Variants in MAP2 observed in about 807,000 individuals in gnomAD.
MAP2 encodes the protein microtubule-associated protein 2.
A neutral mutation model predicts 137.6 loss-of-function variants in MAP2; 14 were observed. The observed-to-expected ratio is 0.10, with a 90% CI of 0.07 to 0.16. The LOEUF (loss-of-function observed/expected upper bound fraction) is 0.16, where lower values mean the gene tolerates loss of function less well. MAP2 is among the 10% of genes least tolerant of loss of function. The probability of loss-of-function intolerance (pLI) is 1.00; values close to 1 mark genes in which losing one functional copy is unlikely to be tolerated. For missense variants in MAP2, 2,088 were observed against 2,191.5 expected, an observed-to-expected ratio of 0.95 and a Z score of 0.94; for synonymous variants, 786 against 782.3, an observed-to-expected ratio of 1.00 and a Z score of -0.08.
intron 7 of MAP2, among the ~76,000 whole-genome samples, chr2:209,686,759 A>G (rs1470403047): frequency 6.6e-6 from 1 of 152,182 alleles, no homozygotes; most frequent in Non-Finnish European, 1.5e-5. Flanking sequence ...CAGAAATGAG[A>G]GTAGTTACTT....
intron 2 of MAP2, among the ~76,000 whole-genome samples, chr2:209,522,135 T>C (rs913600339): frequency 1.3e-5 from 2 of 151,992 alleles, no homozygotes; most frequent in African/African-American, 4.8e-5. Context: ...TTAGGATTGA[T>C]GGGCCTCCTT....
At chr2:209,664,146 G>C (rs2045090028) in intron 5 of MAP2, among the ~76,000 whole-genome samples, 1 of 152,240 alleles carries the variant, frequency 6.6e-6, no homozygotes, top group African/African-American at 2.4e-5. Flanking sequence ...GGTTGGAAAT[G>C]CTTTGGGGTA....
intron 5 of MAP2, among the ~76,000 whole-genome samples, chr2:209,665,847 T>G (rs1047730311): frequency 3.9e-5 from 6 of 152,158 alleles, no homozygotes; most frequent in Non-Finnish European, 8.8e-5. Context: ...CTTCCTGTGA[T>G]CCATAATTTT....
rs188222299 is a variant in MAP2 at position 209,623,432 on chromosome 2, G to T, written c.-106-1621G>T. Reference sequence around the variant, plus strand: ...CACACACTTATCCATATGCATATGTGCTTACTTAAAAATCATGAAGATGAA... The same window carrying T: ...CACACACTTATCCATATGCATATGTTCTTACTTAAAAATCATGAAGATGAA... On this transcript the variant is annotated intron_variant, in intron 3 of 15. Transcript: ENST00000682079. 1.4e-4 allele frequency among the ~76,000 whole-genome samples: 22 copies of T among 152,132 alleles called. No individual in the cohort carries two copies. In the East Asian group the frequency reaches 1.7e-3, roughly 12 times the overall value.
At chr2:209,435,937 ATAATATATACT>A (rs1449136761) in intron 1 of MAP2, among the ~76,000 whole-genome samples, 4 of 143,226 alleles carry the variant, frequency 2.8e-5, no homozygotes, top group South Asian at 4.2e-4. Flanking sequence ...TATTATATAT[ATAATATATACT>A]ATATATACAG....
intron 2 of MAP2, among the ~76,000 whole-genome samples, chr2:209,556,561 TAGAG>T (rs1350544833): frequency 1.3e-5 from 2 of 151,548 alleles, no homozygotes; most frequent in Admixed American, 1.3e-4. Context: ...CTCTACTGCT[TAGAG>T]AGAAATGTGA....
At chr2:209,631,037 A>C (rs768637650) in intron 4 of MAP2, among the ~76,000 whole-genome samples, 3 of 91,368 alleles carry the variant, frequency 3.3e-5, no homozygotes, top group Non-Finnish European at 5.5e-5. Flanking sequence ...AAAAAAAAAG[A>C]GAGAGAGAGA....
intron 1 of MAP2, among the ~76,000 whole-genome samples, chr2:209,484,216 G>C (rs993837927): frequency 1.3e-5 from 2 of 152,184 alleles, no homozygotes; most frequent in African/African-American, 2.4e-5. Context: ...ACTTCCCCCT[G>C]AGTGCAGTAG....
At position 209,696,598 on chromosome 2, in the gene MAP2, G is replaced by A; in HGVS notation, c.4237G>A (p.Ala1413Thr). The change falls in exon 9 of 16, where the codon GCT becomes ACT. Residue 1413 changes from alanine to threonine, a missense_variant. Transcript: ENST00000682079. ...QLETIPKEEK[A>T]EKEARRSSLE... ...AGAAACTATTCCTAAAGAGGAGAAA[G>A]CTGAAAAGGAAGCTCGGAGATCATC... is the stretch of plus-strand genomic sequence containing the variant. 2 of 1,613,882 alleles carry A rather than the reference G, an allele frequency of 1.2e-6. No homozygotes were observed. The highest frequency in any genetic ancestry group is 1.3e-5 in the African/African-American group (1 of 74,988).
chr2:209,468,084 A>G (rs144192880), intron 1 of MAP2, among the ~76,000 whole-genome samples: 4 of 121,416 alleles, frequency 3.3e-5, no homozygotes, highest in African/African-American at 1.1e-4. Flanking sequence ...TAATTTGAGA[A>G]TGAGATTTTT....
chr2:209,604,368 T>C (rs1196712841), intron 3 of MAP2, among the ~76,000 whole-genome samples: 2 of 152,124 alleles, frequency 1.3e-5, no homozygotes, highest in Non-Finnish European at 2.9e-5. Flanking sequence ...AAAGTGACCT[T>C]AACACAGGGT....
rs541537924 is a variant in MAP2 at position 209,594,864 on chromosome 2, G to C, written c.-107+14764G>C. Among the ~76,000 whole-genome samples, 7 of 152,216 alleles carry C rather than the reference G, an allele frequency of 4.6e-5. 1 individual carries two copies. Among genetic ancestry groups the C allele is most frequent in the African/African-American group, 1.7e-4 (7 of 41,534 alleles). The stretch of plus-strand genomic sequence containing the variant: ...TGTTGAGATGGAATATACAAGTACA[G>C]ATTGTAAGATGTAGAATATAAATGT... On this transcript the variant is annotated intron_variant, in intron 3 of 15. Coordinates refer to ENST00000682079, the MANE Select transcript of MAP2 (RefSeq NM_001375505.1).
chr2:209,534,362 C>A (rs2065635440), intron 2 of MAP2, among the ~76,000 whole-genome samples: 1 of 152,148 alleles, frequency 6.6e-6, no homozygotes, highest in Admixed American at 6.5e-5. Context: ...GGAATTCCAG[C>A]TCAGTGATTG....
At chr2:209,568,024 G>A (rs2073792961) in intron 2 of MAP2, among the ~76,000 whole-genome samples, 1 of 151,640 alleles carries the variant, frequency 6.6e-6, no homozygotes, top group African/African-American at 2.4e-5. Flanking sequence ...TCATGCACAT[G>A]TAGATGTACT....
At chr2:209,509,460 G>T (rs1398457642) in intron 2 of MAP2, among the ~76,000 whole-genome samples, 1 of 151,874 alleles carries the variant, frequency 6.6e-6, no homozygotes, top group South Asian at 2.1e-4. Context: ...CTTCCCACTT[G>T]GATATGTGTG....
chr2:209,692,577 G>T, intron 7 of MAP2, 48 bp from the exon 8 acceptor site: 3 of 1,508,796 alleles, frequency 2.0e-6, no homozygotes, highest in Non-Finnish European at 2.7e-6. Context: ...CTTATTTCCT[G>T]AACGCACTTG....
At chr2:209,455,153 T>C (rs758595745) in intron 1 of MAP2, among the ~76,000 whole-genome samples, 1 of 152,198 alleles carries the variant, frequency 6.6e-6, no homozygotes, top group Non-Finnish European at 1.5e-5. Context: ...CATTGGAGGT[T>C]AGGTCTCCAA....
chr2:209,574,432 TACACACACAC>T (rs57166815), intron 2 of MAP2, among the ~76,000 whole-genome samples: 158 of 148,790 alleles, frequency 1.1e-3, no homozygotes, highest in Admixed American at 8.7e-3. Flanking sequence ...ATAGTATAGA[TACACACACAC>T]ACACACACAC....
chr2:209,439,097 G>GTA (rs1697108199), intron 1 of MAP2, among the ~76,000 whole-genome samples: 3 of 151,302 alleles, frequency 2.0e-5, no homozygotes, highest in African/African-American at 4.8e-5. Flanking sequence ...CTCATTGATG[G>GTA]TATATAAATA....
Sources: gnomAD v4.1 joint callset for allele counts (sites outside exome capture counted in the v4.1 genomes callset) on GRCh38, gnomAD v4.1.1 for gene constraint, MANE v1.5 for transcripts, NCBI Gene and HGNC (gene_info 2026-07-23, HGNC 2026-07-21) for gene names.